Variants in CCM2L observed in about 807,000 individuals in gnomAD.
CCM2L encodes cerebral cavernous malformations 2 protein-like.
In CCM2L, 36 loss-of-function variants were observed where a neutral mutation model predicts 54.1. The ratio of observed to expected loss-of-function variants is 0.67; its 90% CI spans 0.51 to 0.88. The LOEUF (loss-of-function observed/expected upper bound fraction) is 0.88. CCM2L is among the 40% of genes least tolerant of loss of function. The probability of loss-of-function intolerance (pLI) is 0.00; values close to 1 mark genes in which losing one functional copy is unlikely to be tolerated. For synonymous variants in CCM2L, 351 were observed against 359.3 expected (o/e 0.98, Z 0.26); for missense variants, 700 against 812.1 (o/e 0.86, Z 1.68).
intron 4 of CCM2L, 126 bp from the exon 5 acceptor site, chr20:32,018,817 A>T: frequency 8.8e-7 from 1 of 1,136,754 alleles, no homozygotes; most frequent in Non-Finnish European, 1.1e-6. Context: ...GCGCTACTTT[A>T]AAGCCGGGGG....
At chr20:32,015,145 T>G (rs923635182) in intron 2 of CCM2L, 74 bp downstream of exon 2, 20 of 1,375,274 alleles carry the variant, frequency 1.5e-5, no homozygotes, top group Non-Finnish European at 1.9e-5. Flanking sequence ...CACCAAGTTC[T>G]GATCAGCCGT....
chr20:32,020,513 A>T (rs1568918752), intron 5 of CCM2L, among the ~76,000 whole-genome samples: 1 of 152,142 alleles, frequency 6.6e-6, no homozygotes, highest in Admixed American at 6.6e-5. Context: ...CAAACCCAAC[A>T]CATCCAAAAC....
At chr20:32,017,691 A>C in intron 2 of CCM2L, 109 bp from the exon 3 acceptor site, 1 of 884,920 alleles carries the variant, frequency 1.1e-6, no homozygotes, top group South Asian at 1.3e-5. Flanking sequence ...ATATTAATTC[A>C]TGTATTTCTA....
At chr20:32,024,713 A>G (rs1419308459) in intron 6 of CCM2L, among the ~76,000 whole-genome samples, 1 of 152,130 alleles carries the variant, frequency 6.6e-6, no homozygotes, top group Non-Finnish European at 1.5e-5. Context: ...TGTAATCCCA[A>G]CTACTCGGGA....
intron 2 of CCM2L, among the ~76,000 whole-genome samples, chr20:32,015,859 C>CTTTTTTTTTTTTTTTTTTT (rs199989562): frequency 1.6e-5 from 2 of 127,924 alleles, no homozygotes; most frequent in African/African-American, 3.2e-5. Flanking sequence ...AGCTGTACTT[C>CTTTTTTTTTTTTTTTTTTT]TTTTTTTTTT....
Position 32,029,127 on chromosome 20 carries a change from G to C in CCM2L, c.1263+3G>C, listed in dbSNP as rs1336498076. On this transcript the variant is annotated splice_donor_region_variant and intron_variant, in intron 8 of 9. Transcript: ENST00000452892. ...AGTTACAGGATTACATGGTCACGGT[G>C]AGCTGGGGCCGGTGGTGGGAATGGC... 2 of 1,614,094 alleles carry C rather than the reference G, an allele frequency of 1.2e-6. No homozygotes were observed. The highest frequency in any genetic ancestry group is 1.7e-6 in the Non-Finnish European group (2 of 1,180,040).
intron 4 of CCM2L, 133 bp downstream of exon 4, chr20:32,018,295 G>T (rs1323937461): frequency 1.4e-6 from 1 of 718,068 alleles, no homozygotes; most frequent in Admixed American, 3.4e-5. Context: ...CCTGCGGCGG[G>T]GGCAGAGGAG....
At chr20:32,023,440 T>A (rs986022456) in intron 6 of CCM2L, among the ~76,000 whole-genome samples, 4 of 152,240 alleles carry the variant, frequency 2.6e-5, no homozygotes, top group African/African-American at 9.6e-5. Context: ...TTGGTCCCAC[T>A]AGGACCCTAA....
chr20:32,019,049 C>A lies in CCM2L; in HGVS notation c.573C>A (p.Thr191=). The A allele has an allele frequency of 7.7e-7, 1 of 1,297,438 alleles. No homozygotes were observed. Among genetic ancestry groups the A allele is most frequent in the South Asian group, 2.3e-5 (1 of 43,624 alleles). 80.4% of individuals were successfully genotyped at this position (1,297,438 alleles called of 1,614,324 possible). A position where few individuals can be genotyped will look rare whatever the true frequency, so the allele number is the denominator to read the frequency against. Reference sequence around the variant, plus strand: ...CGCCCGAGAAGCGGCGGGTGGGCACCGCGGAGCGGCGCCACACCATCTGCA... The same window carrying A: ...CGCCCGAGAAGCGGCGGGTGGGCACAGCGGAGCGGCGCCACACCATCTGCA... ...GGAPEKRRVG[T]AERRHTICSL... Residue 191 remains threonine (T), a synonymous_variant, in exon 5 of 10, where the codon ACC becomes ACA. Transcript: ENST00000452892.
In CCM2L at chr20:32,031,667, A is replaced by AT. The variant is rs1296852453; in HGVS notation, c.*354dup. ...CAGCTTTCTGGAGGCTGAGGAAGGC[A>AT]TGAAGAGTGGGCTCCACCTGCTGGC... On this transcript the variant is annotated 3_prime_UTR_variant, in exon 10 of 10. Coordinates refer to ENST00000452892, the MANE Select transcript of CCM2L (RefSeq NM_001365692.1). The AT allele has an allele frequency of 3.0e-5, 5 of 167,616 alleles. No homozygotes were observed. Among genetic ancestry groups the AT allele is most frequent in the African/African-American group, 1.2e-4 (5 of 41,518 alleles). 10.4% of individuals were successfully genotyped at this position (167,616 alleles called of 1,614,324 possible).
chr20:32,024,804 G>A (rs568812445), intron 6 of CCM2L, among the ~76,000 whole-genome samples: 2 of 152,320 alleles, frequency 1.3e-5, no homozygotes, highest in South Asian at 4.1e-4. Context: ...TCCAGCCTGG[G>A]CGACAACAGC....
intron 1 of CCM2L, among the ~76,000 whole-genome samples, chr20:32,011,326 C>T (rs963342429): frequency 3.3e-5 from 5 of 152,032 alleles, no homozygotes; most frequent in Non-Finnish European, 5.9e-5. Context: ...ATAGAAGGGC[C>T]GGGTGCAGTG....
chr20:32,017,947 C>G, intron 3 of CCM2L, 32 bp from the exon 4 acceptor site: 1 of 1,613,334 alleles, frequency 6.2e-7, no homozygotes, highest in Non-Finnish European at 8.5e-7. Context: ...ACCTGCGGAC[C>G]TCGGGAACTC....
chr20:32,022,815 GCC>G lies in CCM2L; in HGVS notation c.1069+21_1069+22del. 6.2e-7 allele frequency: 1 copy of G among 1,611,380 alleles called. No individual in the cohort carries two copies. Among genetic ancestry groups the G allele is most frequent in the South Asian group, 1.1e-5 (1 of 90,856 alleles). ...GCCGCAGTGAGTACCAGAACTCCTG[GCC>G]TCCCCTCCTGTGAAACATCCCAAAA... On this transcript the variant is annotated intron_variant, in intron 6 of 9. Coordinates refer to ENST00000452892, the MANE Select transcript of CCM2L (RefSeq NM_001365692.1).
chr20:32,017,942 C>A (rs1167704973), intron 3 of CCM2L, 37 bp from the exon 4 acceptor site: 1 of 1,613,218 alleles, frequency 6.2e-7, no homozygotes, highest in East Asian at 2.2e-5. Context: ...CTTCTACCTG[C>A]GGACCTCGGG....
intron 5 of CCM2L, among the ~76,000 whole-genome samples, chr20:32,019,946 C>T (rs2064787391): frequency 6.6e-6 from 1 of 152,202 alleles, no homozygotes; most frequent in Non-Finnish European, 1.5e-5. Flanking sequence ...ACTAAGATGG[C>T]CACCCAAGAG....
At chr20:32,013,426 G>C (rs2064710505) in intron 1 of CCM2L, among the ~76,000 whole-genome samples, 1 of 152,060 alleles carries the variant, frequency 6.6e-6, no homozygotes, top group South Asian at 2.1e-4. Context: ...TGTGTGTGTG[G>C]AGTGGGGGGG....
chr20:32,011,399 G>T (rs1486971055), intron 1 of CCM2L, among the ~76,000 whole-genome samples: 1 of 152,120 alleles, frequency 6.6e-6, no homozygotes, highest in Non-Finnish European at 1.5e-5. Context: ...GAGGTCAGGG[G>T]TTCGAGACCA....
At chr20:32,014,820 A>T in intron 1 of CCM2L, 84 bp from the exon 2 acceptor site, 2 of 1,293,024 alleles carry the variant, frequency 1.5e-6, no homozygotes, top group Non-Finnish European at 2.1e-6. Context: ...GAATTAAATT[A>T]GGTAATGTAA....
Sources: gnomAD v4.1 joint callset for allele counts (sites outside exome capture counted in the v4.1 genomes callset) on GRCh38, gnomAD v4.1.1 for gene constraint, MANE v1.5 for transcripts, NCBI Gene and HGNC (gene_info 2026-07-23, HGNC 2026-07-21) for gene names.